The following PARD3 variants were observed in gnomAD, a reference collection of about 807,000 sequenced individuals.
PARD3 encodes the protein par-3 family cell polarity regulator, also known as partitioning defective 3 homolog.
In PARD3, 75 loss-of-function variants were observed where a neutral mutation model predicts 155.4. The ratio of observed to expected loss-of-function variants is 0.48; its 90% CI spans 0.40 to 0.58. PARD3 has a LOEUF of 0.58. PARD3 is among the 20% of genes least tolerant of loss of function. The probability of loss-of-function intolerance (pLI) is 0.00; values close to 1 mark genes in which losing one functional copy is unlikely to be tolerated. For missense variants in PARD3, 1,642 were observed against 1,721.7 expected, an observed-to-expected ratio of 0.95 and a Z score of 0.82; for synonymous variants, 576 against 610.5, an observed-to-expected ratio of 0.94 and a Z score of 0.83.
In PARD3 at chr10:34,577,083, G is replaced by A. The variant is rs115639487; in HGVS notation, c.223-59924C>T. On this transcript the variant is annotated intron_variant, in intron 2 of 24. Coordinates refer to ENST00000374788, the MANE Select transcript of PARD3 (RefSeq NM_001184785.2). ...AGGGTTTGAACTGCAGGCTGATGGA[G>A]CTCTGAATACTAATGACTAGGCAAA... is the stretch of plus-strand genomic sequence containing the variant. Among the ~76,000 whole-genome samples, 799 of 152,312 alleles carry A rather than the reference G, an allele frequency of 5.2e-3. 3 individuals carry two copies. Among genetic ancestry groups the A allele is most frequent in the African/African-American group, 0.018 (749 of 41,564 alleles).
chr10:34,223,111 C>T (rs1253480391), intron 22 of PARD3, among the ~76,000 whole-genome samples: 3 of 152,036 alleles, frequency 2.0e-5, no homozygotes, highest in Non-Finnish European at 4.4e-5. Flanking sequence ...CGTGTGGGGT[C>T]GGAGAGCAGA....
At chr10:34,400,592 A>G (rs1352480555) in intron 6 of PARD3, among the ~76,000 whole-genome samples, 2 of 152,206 alleles carry the variant, frequency 1.3e-5, no homozygotes, top group African/African-American at 4.8e-5. Flanking sequence ...ATTACCAATG[A>G]ATTTCACAAA....
At chr10:34,682,265 C>T (rs2093856972) in intron 2 of PARD3, among the ~76,000 whole-genome samples, 1 of 148,122 alleles carries the variant, frequency 6.8e-6, no homozygotes, top group African/African-American at 2.7e-5. Context: ...ACGCAAGGAA[C>T]TTCAGAATTC....
chr10:34,436,555 A>G (rs1171310319), intron 5 of PARD3, among the ~76,000 whole-genome samples: 1 of 152,224 alleles, frequency 6.6e-6, no homozygotes, highest in Non-Finnish European at 1.5e-5. Flanking sequence ...AAAGTTACAA[A>G]TGTATGTAAT....
intron 22 of PARD3, among the ~76,000 whole-genome samples, chr10:34,223,846 G>A (rs185257266): frequency 6.6e-6 from 1 of 152,282 alleles, no homozygotes; most frequent in Admixed American, 6.5e-5. Flanking sequence ...ATGGGAAACT[G>A]GGGCTCAGAG....
chr10:34,281,032 A>C (rs1956131825), intron 21 of PARD3, among the ~76,000 whole-genome samples: 1 of 152,150 alleles, frequency 6.6e-6, no homozygotes, highest in African/African-American at 2.4e-5. Flanking sequence ...AAATACATGG[A>C]GGTATCACTG....
intron 1 of PARD3, among the ~76,000 whole-genome samples, chr10:34,795,521 AG>A (rs1842157329): frequency 6.6e-6 from 1 of 152,024 alleles, no homozygotes; most frequent in Admixed American, 6.6e-5. Context: ...GAGAGGTGGG[AG>A]AATCACTTGA....
chr10:34,159,969 T>C (rs2133038749), intron 22 of PARD3, among the ~76,000 whole-genome samples: 1 of 152,358 alleles, frequency 6.6e-6, no homozygotes, highest in African/African-American at 2.4e-5. Flanking sequence ...CAGGAACTTG[T>C]GTTTAAAATA....
At chr10:34,672,474 A>G (rs2093626631) in intron 2 of PARD3, among the ~76,000 whole-genome samples, 1 of 152,196 alleles carries the variant, frequency 6.6e-6, no homozygotes, top group Non-Finnish European at 1.5e-5. Flanking sequence ...AGTTCTCAAT[A>G]TGTACCGTGT....
At chr10:34,605,980 CTA>C (rs377089198) in intron 2 of PARD3, among the ~76,000 whole-genome samples, 131 of 912 alleles carry the variant, frequency 0.14, 36 homozygotes, top group Admixed American at 0.46. Flanking sequence ...TCTATATCTC[CTA>C]TATATATATA....
chr10:34,517,297 A>G (rs2081840935), intron 2 of PARD3, 138 bp from the exon 3 acceptor site: 3 of 693,164 alleles, frequency 4.3e-6, no homozygotes, highest in Non-Finnish European at 2.3e-6. Flanking sequence ...TTACGAAGAA[A>G]AACCTCAAAG....
intron 20 of PARD3, among the ~76,000 whole-genome samples, chr10:34,301,397 T>C (rs1335330041): frequency 6.6e-6 from 1 of 152,172 alleles, no homozygotes; most frequent in Non-Finnish European, 1.5e-5. Context: ...GACTGCACTC[T>C]TTTGGTTTTC....
intron 1 of PARD3, among the ~76,000 whole-genome samples, chr10:34,778,192 C>A (rs1199232057): frequency 6.6e-6 from 1 of 152,184 alleles, no homozygotes; most frequent in African/African-American, 2.4e-5. Context: ...TCACTAAGCT[C>A]CAAGCCAATG....
chr10:34,185,952 G>T (rs1271000783), intron 22 of PARD3, among the ~76,000 whole-genome samples: 3 of 151,654 alleles, frequency 2.0e-5, no homozygotes, highest in Non-Finnish European at 4.4e-5. Flanking sequence ...ACAACCCCAG[G>T]GGTTACGTAT....
chr10:34,253,088 G>A (rs1171437096), intron 22 of PARD3, among the ~76,000 whole-genome samples: 1 of 152,206 alleles, frequency 6.6e-6, no homozygotes, highest in East Asian at 1.9e-4. Context: ...ACAAGAAACT[G>A]TGGGAGTAGG....
intron 1 of PARD3, among the ~76,000 whole-genome samples, chr10:34,762,651 T>TATATTGAG (rs1837606180): frequency 6.6e-6 from 1 of 152,104 alleles, no homozygotes; most frequent in Admixed American, 6.6e-5. Context: ...TGATGTTAAA[T>TATATTGAG]ACTTGACAAA....
At chr10:34,503,888 T>C (rs2080873917) in intron 3 of PARD3, among the ~76,000 whole-genome samples, 1 of 152,154 alleles carries the variant, frequency 6.6e-6, no homozygotes, top group African/African-American at 2.4e-5. Flanking sequence ...AAAGGAGAAA[T>C]AGTAGATGAT....
chr10:34,146,190 T>C (rs766431272), intron 22 of PARD3, among the ~76,000 whole-genome samples: 2 of 152,224 alleles, frequency 1.3e-5, no homozygotes, highest in Non-Finnish European at 2.9e-5. Context: ...TACTCTCTAA[T>C]GTTAGACTTT....
chr10:34,195,357 C>A (rs1369214436), intron 22 of PARD3, among the ~76,000 whole-genome samples: 1 of 152,100 alleles, frequency 6.6e-6, no homozygotes, highest in African/African-American at 2.4e-5. Flanking sequence ...TAGTGCCTGG[C>A]ACTTAGAACT....
Sources: allele counts gnomAD v4.1 joint callset (sites outside exome capture counted in the v4.1 genomes callset), GRCh38; gene constraint gnomAD v4.1.1; transcripts MANE v1.5; gene names NCBI Gene and HGNC (gene_info 2026-07-23, HGNC 2026-07-21).